BNC2: variants seen among roughly 807,000 people sequenced by gnomAD.
The protein encoded by BNC2 is basonuclin zinc finger protein 2.
A neutral mutation model predicts 76.3 loss-of-function variants in BNC2; 20 were observed. The ratio of observed to expected loss-of-function variants is 0.26; its 90% CI spans 0.18 to 0.38. BNC2 has a LOEUF of 0.38. BNC2 is among the 10% of genes least tolerant of loss of function. The probability of loss-of-function intolerance (pLI) is 1.00; values close to 1 mark genes in which losing one functional copy is unlikely to be tolerated. For synonymous variants in BNC2, 582 were observed against 514.8 expected (o/e 1.13, Z -1.77); for missense variants, 1,382 against 1,399.8 (o/e 0.99, Z 0.20).
intron 3 of BNC2, among the ~76,000 whole-genome samples, chr9:16,723,274 C>G (rs182886040): frequency 6.6e-6 from 1 of 152,134 alleles, no homozygotes; most frequent in Admixed American, 6.5e-5. Context: ...AAGTCGTTTT[C>G]AAAGACCATT....
At chr9:16,684,635 T>A (rs1336869286) in intron 3 of BNC2, among the ~76,000 whole-genome samples, 1 of 151,996 alleles carries the variant, frequency 6.6e-6, no homozygotes. Context: ...CTTATAAGCC[T>A]GAAAATTTAG....
chr9:16,482,408 T>TA (rs890419793), intron 5 of BNC2, among the ~76,000 whole-genome samples: 2 of 151,790 alleles, frequency 1.3e-5, no homozygotes, highest in African/African-American at 4.8e-5. Flanking sequence ...GGGAAACCTT[T>TA]AAAAAAATGC....
intron 5 of BNC2, among the ~76,000 whole-genome samples, chr9:16,514,294 T>C (rs7022474): frequency 0.036 from 5,424 of 152,282 alleles, 332 homozygotes; most frequent in African/African-American, 0.12. Context: ...GTGCAAAGAA[T>C]AAATGTACTC....
chr9:16,601,308 C>T (rs535403103), intron 3 of BNC2, among the ~76,000 whole-genome samples: 11 of 152,238 alleles, frequency 7.2e-5, no homozygotes, highest in Admixed American at 2.0e-4. Flanking sequence ...TTTTGTACCT[C>T]GGGCACCTCA....
At chr9:16,481,540 A>C (rs57271732) in intron 5 of BNC2, among the ~76,000 whole-genome samples, 1,815 of 152,232 alleles carry the variant, frequency 0.012, 34 homozygotes, top group African/African-American at 0.041. Flanking sequence ...CCACCTTAAG[A>C]GCTGTAACAT....
chr9:16,658,756 C>A (rs866426954), intron 3 of BNC2, among the ~76,000 whole-genome samples: 4 of 152,212 alleles, frequency 2.6e-5, no homozygotes, highest in Non-Finnish European at 5.9e-5. Flanking sequence ...TATCCCAGAA[C>A]AGACAATCCA....
At chr9:16,585,156 T>A (rs1819734074) in intron 3 of BNC2, among the ~76,000 whole-genome samples, 2 of 152,150 alleles carry the variant, frequency 1.3e-5, no homozygotes, top group Admixed American at 1.3e-4. Flanking sequence ...TTCATCAACT[T>A]TAATTACAGC....
At chr9:16,622,348 G>A (rs1306247728) in intron 3 of BNC2, among the ~76,000 whole-genome samples, 1 of 152,090 alleles carries the variant, frequency 6.6e-6, no homozygotes, top group Non-Finnish European at 1.5e-5. Flanking sequence ...AATTTTTCAG[G>A]ATTTGTGTAA....
intron 1 of BNC2, among the ~76,000 whole-genome samples, chr9:16,763,023 T>C (rs1051404613): frequency 4.6e-5 from 7 of 152,154 alleles, no homozygotes; most frequent in African/African-American, 1.7e-4. Context: ...AATACAGTGA[T>C]GTTCTGATCA....
chr9:16,802,841 T>G (rs1817816107), intron 1 of BNC2, among the ~76,000 whole-genome samples: 1 of 152,232 alleles, frequency 6.6e-6, no homozygotes. Flanking sequence ...GTATGATGTT[T>G]TCCCTTCATT....
At chr9:16,660,509 A>ACCT (rs1256104189) in intron 3 of BNC2, among the ~76,000 whole-genome samples, 1 of 152,072 alleles carries the variant, frequency 6.6e-6, no homozygotes, top group African/African-American at 2.4e-5. Flanking sequence ...TTATGTGTGC[A>ACCT]CCTCCTACTC....
intron 5 of BNC2, among the ~76,000 whole-genome samples, chr9:16,515,722 A>AC: frequency 6.6e-6 from 1 of 151,602 alleles, no homozygotes; most frequent in Non-Finnish European, 1.5e-5. Context: ...AATTTGAAAA[A>AC]AAAAAAAAAT....
chr9:16,634,723 G>A (rs369962923), intron 3 of BNC2, among the ~76,000 whole-genome samples: 29 of 151,934 alleles, frequency 1.9e-4, no homozygotes, highest in Admixed American at 5.9e-4. Flanking sequence ...GGATGGTCTC[G>A]ATCTCCTGAC....
intron 1 of BNC2, among the ~76,000 whole-genome samples, chr9:16,763,048 C>A (rs1266626062): frequency 4.6e-5 from 7 of 152,266 alleles, no homozygotes; most frequent in Middle Eastern, 6.8e-3. Flanking sequence ...TAAGGGGCTG[C>A]TAGTCCCTGT....
chr9:16,837,233 T>A (rs565064644), intron 1 of BNC2, among the ~76,000 whole-genome samples: 193 of 152,296 alleles, frequency 1.3e-3, no homozygotes, highest in African/African-American at 4.5e-3. Flanking sequence ...TGGCCAGGCT[T>A]GGTGGCTCAT....
chr9:16,699,238 T>C (rs751705384), intron 3 of BNC2: 5 of 470,048 alleles, frequency 1.1e-5, no homozygotes, highest in South Asian at 7.8e-5. Flanking sequence ...ACCTAAATAA[T>C]GCAACAAAAA....
At chr9:16,804,961 C>G (rs562965040) in intron 1 of BNC2, among the ~76,000 whole-genome samples, 1 of 152,088 alleles carries the variant, frequency 6.6e-6, no homozygotes, top group African/African-American at 2.4e-5. Context: ...ACTCGGGAGG[C>G]TGAGGTGGGA....
intron 1 of BNC2, among the ~76,000 whole-genome samples, chr9:16,796,529 G>C (rs753622912): frequency 6.8e-6 from 1 of 146,512 alleles, no homozygotes; most frequent in Admixed American, 7.0e-5. Flanking sequence ...CCGAGATCAC[G>C]TCAATGCACT....
chr9:16,419,256 G>C lies in BNC2; in HGVS notation c.3033C>G (p.Leu1011=). 1.9e-6 allele frequency: 3 copies of C among 1,614,212 alleles called. No homozygotes were observed. Among genetic ancestry groups the C allele is most frequent in the Non-Finnish European group, 2.5e-6 (3 of 1,180,036 alleles). The change falls in exon 7 of 7, where the codon CTC becomes CTG. Residue 1011 remains leucine (L), a synonymous_variant. Coordinates refer to ENST00000380672, the MANE Select transcript of BNC2 (RefSeq NM_017637.6). The stretch of plus-strand genomic sequence containing the variant: ...AAACTTCAGCCCCTAGGCTGCCAGG[G>C]AGGGCAGGGGCCTCGGCCTTGTGTG... The part of the protein sequence containing the change: ...ESAHKAEAPA[L]PGSLGAEVSG...
Sources: allele counts gnomAD v4.1 joint callset (sites outside exome capture counted in the v4.1 genomes callset), GRCh38; gene constraint gnomAD v4.1.1; transcripts MANE v1.5; gene names NCBI Gene and HGNC (gene_info 2026-07-23, HGNC 2026-07-21).